WWOX: variants seen among roughly 807,000 people sequenced by gnomAD.
The protein encoded by WWOX is WW domain containing oxidoreductase, also known as WW domain-containing oxidoreductase.
WWOX carries 69 observed loss-of-function variants against 46.2 expected under a neutral mutation model. The observed-to-expected ratio is 1.49, with a 90% CI of 1.23 to 1.82. The LOEUF is 1.82. Among genes scored for constraint, WWOX ranks in the 40% most tolerant of loss-of-function variants. The probability of loss-of-function intolerance (pLI) is 0.00; values close to 1 mark genes in which losing one functional copy is unlikely to be tolerated. For synonymous variants in WWOX, 359 were observed against 202.6 expected (o/e 1.77, Z -6.56); for missense variants, 919 against 542.6 (o/e 1.69, Z -6.89).
chr16:78,738,025 G>A (rs867786599), intron 8 of WWOX, among the ~76,000 whole-genome samples: 2 of 152,310 alleles, frequency 1.3e-5, no homozygotes, highest in African/African-American at 4.8e-5. Context: ...GAGCCCGGTG[G>A]ACTTCTGTGG....
At chr16:78,450,452 A>G (rs915396231) in intron 8 of WWOX, among the ~76,000 whole-genome samples, 2 of 152,220 alleles carry the variant, frequency 1.3e-5, no homozygotes, top group South Asian at 2.1e-4. Context: ...AGAGTGTCCA[A>G]GTAATCTGAG....
chr16:78,601,132 G>A (rs944211885), intron 8 of WWOX, among the ~76,000 whole-genome samples: 4 of 152,188 alleles, frequency 2.6e-5, no homozygotes, highest in African/African-American at 9.7e-5. Context: ...TCCTCGCACA[G>A]CAGGGATGGA....
chr16:78,442,122 G>T (rs1385970497), intron 8 of WWOX, among the ~76,000 whole-genome samples: 1 of 151,740 alleles, frequency 6.6e-6, no homozygotes, highest in Non-Finnish European at 1.5e-5. Flanking sequence ...GGGTGACATA[G>T]TGAGACCCTA....
intron 8 of WWOX, among the ~76,000 whole-genome samples, chr16:78,973,295 CG>C (rs1437765556): frequency 6.6e-6 from 1 of 152,018 alleles, no homozygotes; most frequent in East Asian, 1.9e-4. Context: ...GTCATCCTGG[CG>C]TTTGGGTACT....
chr16:78,620,387 C>T lies in WWOX; in HGVS notation c.1056+187635C>T, dbSNP rs867533343. Among the ~76,000 whole-genome samples the T allele has an allele frequency of 5.3e-5, 8 of 152,298 alleles. No homozygotes were observed. The Middle Eastern group carries it at 0.01, about 194-fold the overall frequency. On this transcript the variant is annotated intron_variant, in intron 8 of 8. Transcript: ENST00000566780. ...GGTTTGACAAGTTTCCTCCAACAGACTCGTGTAGAAGTTTCTGTATCAACT... is the reference window on the plus strand; with the variant it reads ...GGTTTGACAAGTTTCCTCCAACAGATTCGTGTAGAAGTTTCTGTATCAACT...
chr16:78,468,574 C>G (rs887818858), intron 8 of WWOX, among the ~76,000 whole-genome samples: 1 of 152,070 alleles, frequency 6.6e-6, no homozygotes, highest in African/African-American at 2.4e-5. Flanking sequence ...TTGATAGTTA[C>G]AGGGAGTGCT....
At chr16:78,232,255 G>A (rs1235619994) in intron 5 of WWOX, among the ~76,000 whole-genome samples, 2 of 152,100 alleles carry the variant, frequency 1.3e-5, no homozygotes, top group East Asian at 3.9e-4. Flanking sequence ...GGGCAATTGC[G>A]GTCAAACACA....
chr16:78,585,482 G>C (rs746099972), intron 8 of WWOX, among the ~76,000 whole-genome samples: 2 of 152,088 alleles, frequency 1.3e-5, no homozygotes, highest in Admixed American at 6.5e-5. Flanking sequence ...ACTTTCACTG[G>C]CCAAAGTACT....
intron 8 of WWOX, among the ~76,000 whole-genome samples, chr16:79,105,742 A>T: frequency 6.6e-6 from 1 of 151,126 alleles, no homozygotes; most frequent in Admixed American, 6.6e-5. Flanking sequence ...GGCTCACTGC[A>T]ACCTCCATCT....
chr16:79,092,519 G>T (rs754887125), intron 8 of WWOX, among the ~76,000 whole-genome samples: 12 of 152,150 alleles, frequency 7.9e-5, no homozygotes, highest in Admixed American at 1.3e-4. Context: ...TCTTTCCCCT[G>T]GAAATGGTTC....
At chr16:79,137,681 C>G (rs2050008994) in intron 8 of WWOX, among the ~76,000 whole-genome samples, 1 of 152,216 alleles carries the variant, frequency 6.6e-6, no homozygotes, top group African/African-American at 2.4e-5. Flanking sequence ...TTTTCTCCTC[C>G]CTCCTCCGTC....
Position 78,691,413 on chromosome 16 carries a change from C to A in WWOX, c.1056+258661C>A, listed in dbSNP as rs2047985056. 27 of 638,672 alleles carry A rather than the reference C, an allele frequency of 4.2e-5. 2 individuals are homozygous for A. The South Asian group carries it at 5.0e-4, about 12-fold the overall frequency. 39.6% of individuals were successfully genotyped at this position (638,672 alleles called of 1,614,324 possible). On this transcript the variant is annotated intron_variant, in intron 8 of 8. Transcript: ENST00000566780. ...GCCTACAGGGTGCTTTAGAAAACAT[C>A]TGGCTGGGCATGGTGGTTCACACCT... is the stretch of plus-strand genomic sequence containing the variant.
chr16:78,971,712 C>G (rs116739508), intron 8 of WWOX, among the ~76,000 whole-genome samples: 6 of 151,122 alleles, frequency 4.0e-5, no homozygotes, highest in African/African-American at 1.5e-4. Flanking sequence ...GATAAATCGC[C>G]CCCCCACCCC....
chr16:79,177,857 CAG>C (rs1396320298), intron 8 of WWOX, among the ~76,000 whole-genome samples: 1 of 152,204 alleles, frequency 6.6e-6, no homozygotes, highest in Non-Finnish European at 1.5e-5. Flanking sequence ...GCTGCTATAA[CAG>C]ATACCATAAA....
intron 8 of WWOX, among the ~76,000 whole-genome samples, chr16:79,017,716 T>C (rs1025347035): frequency 5.3e-5 from 8 of 152,124 alleles, no homozygotes; most frequent in Non-Finnish European, 1.0e-4. Context: ...ATTTTTTTTT[T>C]CATAAAACCA....
chr16:78,366,772 G>A (rs904576051), intron 5 of WWOX, among the ~76,000 whole-genome samples: 5 of 152,204 alleles, frequency 3.3e-5, no homozygotes, highest in African/African-American at 7.2e-5. Flanking sequence ...TAGAGGATTC[G>A]TGGTCATTTG....
At chr16:78,469,467 A>T (rs796634467) in intron 8 of WWOX, among the ~76,000 whole-genome samples, 75 of 152,342 alleles carry the variant, frequency 4.9e-4, no homozygotes, top group African/African-American at 1.7e-3. Flanking sequence ...AACAGAGATG[A>T]CAGGCTCCGC....
intron 5 of WWOX, among the ~76,000 whole-genome samples, chr16:78,294,108 C>CAA (rs2079904246): frequency 6.6e-6 from 1 of 151,238 alleles, no homozygotes; most frequent in African/African-American, 2.4e-5. Context: ...GCCCATTTGT[C>CAA]CTCTGCTGCT....
intron 6 of WWOX, among the ~76,000 whole-genome samples, chr16:78,420,252 A>G (rs949973035): frequency 1.3e-5 from 2 of 152,182 alleles, no homozygotes; most frequent in Non-Finnish European, 2.9e-5. Flanking sequence ...TGACCCAATA[A>G]TCCCACTCCT....
Sources: gnomAD v4.1 joint callset for allele counts (sites outside exome capture counted in the v4.1 genomes callset) on GRCh38, gnomAD v4.1.1 for gene constraint, MANE v1.5 for transcripts, NCBI Gene and HGNC (gene_info 2026-07-23, HGNC 2026-07-21) for gene names.